The following LRP2 variants were observed in gnomAD, a reference collection of about 807,000 sequenced individuals.
The protein encoded by LRP2 is low-density lipoprotein receptor-related protein 2.
Under a neutral mutation model 531.0 loss-of-function variants are expected in LRP2, and 172 were observed. That is an observed-to-expected ratio of 0.32 (90% CI 0.29 to 0.37). LRP2 has a LOEUF of 0.37. LRP2 is among the 10% of genes least tolerant of loss of function. The pLI is 1.00. For synonymous variants in LRP2, 1,992 were observed against 2,027.6 expected (o/e 0.98, Z 0.47); for missense variants, 5,167 against 5,868.3 (o/e 0.88, Z 3.90).
chr2:169,243,829 G>C (rs1014723750), intron 22 of LRP2, among the ~76,000 whole-genome samples: 2 of 142,864 alleles, frequency 1.4e-5, no homozygotes, highest in Non-Finnish European at 1.5e-5. Context: ...TGAATACTAT[G>C]AAGTCCATGA....
chr2:169,153,093 AT>A, intron 66 of LRP2, 129 bp from the exon 67 acceptor site: 1 of 850,064 alleles, frequency 1.2e-6, no homozygotes, highest in Non-Finnish European at 2.0e-6. Flanking sequence ...TTGTTATAAT[AT>A]GAATAATTCA....
intron 3 of LRP2, among the ~76,000 whole-genome samples, chr2:169,316,675 G>A (rs150916213): frequency 6.6e-6 from 1 of 152,062 alleles, no homozygotes; most frequent in Non-Finnish European, 1.5e-5. Context: ...TCAAGTGTGG[G>A]CAAAAATCTG....
chr2:169,175,274 C>T lies in LRP2; in HGVS notation c.10687G>A (p.Gly3563Ser), dbSNP rs745375377. 11 of 1,614,136 alleles carry T rather than the reference C, an allele frequency of 6.8e-6. No individual in the cohort carries two copies. Among genetic ancestry groups the T allele is most frequent in the Admixed American group, 3.3e-5 (2 of 60,022 alleles). ...AAAGTCTGCGGGCTGGTGCAGTTGC[C>T]GTCACTGCACTGGAACTGTCCCAGT... Reference protein sequence around the residue: ...CRLGQFQCSDGNCTSPQTLCN... With the variant: ...CRLGQFQCSDSNCTSPQTLCN... The change falls in exon 55 of 79, where the codon GGC becomes AGC. Residue 3563 changes from glycine (G) to serine (S), a missense_variant. This residue lies in a region of LRP2 where 311 missense variants were observed against 309.4 expected (regional missense o/e 1.01). Transcript: ENST00000649046.
In LRP2 at chr2:169,236,011, G is replaced by A. The variant is rs1689591472; in HGVS notation, c.4749C>T (p.Ser1583=). The part of the protein sequence containing the change: ...WGHHPRIERA[S]MDGSMRTVIV... Reference sequence around the variant, plus strand: ...TGACAGTGCGCATGCTGCCGTCCATGCTGGCTCGCTCGATGCGAGGGTGGT... The same window carrying A: ...TGACAGTGCGCATGCTGCCGTCCATACTGGCTCGCTCGATGCGAGGGTGGT... Residue 1583 remains serine, a synonymous_variant, in exon 29 of 79, where the codon AGC becomes AGT. Transcript: ENST00000649046. The A allele has an allele frequency of 3.7e-6, 6 of 1,614,206 alleles. No individual in the cohort carries two copies. The highest frequency in any genetic ancestry group is 5.1e-6 in the Non-Finnish European group (6 of 1,180,044).
In LRP2 at chr2:169,247,382, C is replaced by T. The variant is rs760249857; in HGVS notation, c.2904G>A (p.Gln968=). The part of the protein sequence containing the change: ...LHLKSYDVNI[Q]TGSNACNQPT... Reference sequence around the variant, plus strand: ...AAACTGGGCAATCTCACTCACCAGTCTGGATGTTGACATCATACGATTTCA... The same window carrying T: ...AAACTGGGCAATCTCACTCACCAGTTTGGATGTTGACATCATACGATTTCA... Residue 968 remains glutamine (Q), a synonymous_variant, in exon 20 of 79, where the codon CAG becomes CAA. Coordinates refer to ENST00000649046, the MANE Select transcript of LRP2 (RefSeq NM_004525.3). 6.2e-7 allele frequency: 1 copy of T among 1,614,132 alleles called. No homozygotes were observed. The highest frequency in any genetic ancestry group is 1.7e-5 in the Admixed American group (1 of 60,022).
chr2:169,275,344 T>C, intron 13 of LRP2, 106 bp from the exon 14 acceptor site: 1 of 836,874 alleles, frequency 1.2e-6, no homozygotes, highest in Non-Finnish European at 2.0e-6. Context: ...AATAATTTCT[T>C]GTCACAAATA....
At chr2:169,326,896 T>A in intron 1 of LRP2, among the ~76,000 whole-genome samples, 1 of 149,550 alleles carries the variant, frequency 6.7e-6, no homozygotes, top group Non-Finnish European at 1.5e-5. Flanking sequence ...GGAGTGCCTC[T>A]GCCCGGCGGC....
At chr2:169,137,522 A>G (rs774576685) in intron 75 of LRP2, 29 bp from the exon 76 acceptor site, 21 of 1,326,336 alleles carry the variant, frequency 1.6e-5, no homozygotes, top group African/African-American at 4.4e-5. Flanking sequence ...AGAGAGAGAG[A>G]GAGAGAGAGA....
At chr2:169,154,331 T>A (rs567191470) in intron 66 of LRP2, 129 bp downstream of exon 66, 1 of 814,916 alleles carries the variant, frequency 1.2e-6, no homozygotes, top group Admixed American at 2.0e-5. Context: ...CATGCTGGAT[T>A]GGAAGAGTTT....
At chr2:169,210,398 G>A (rs2105338435) in intron 37 of LRP2, among the ~76,000 whole-genome samples, 1 of 152,340 alleles carries the variant, frequency 6.6e-6, no homozygotes, top group South Asian at 2.1e-4. Context: ...AGCAGGGCAA[G>A]CTGACATTAT....
intron 66 of LRP2, among the ~76,000 whole-genome samples, chr2:169,153,662 G>GA (rs1361317145): frequency 2.0e-5 from 3 of 151,964 alleles, no homozygotes; most frequent in African/African-American, 4.8e-5. Flanking sequence ...TGATTTTGTA[G>GA]AAAAAAAATT....
chr2:169,216,242 G>T lies in LRP2; in HGVS notation c.5826+11C>A. On this transcript the variant is annotated intron_variant, in intron 35 of 78. Coordinates refer to ENST00000649046, the MANE Select transcript of LRP2 (RefSeq NM_004525.3). ...AGCATAAAGACCAAAAGACTGAAAG[G>T]GTGCTCATACCACTCCTCTTCCAGT... 1 of 1,612,846 alleles carries T rather than the reference G, an allele frequency of 6.2e-7. No individual in the cohort carries two copies. Among genetic ancestry groups the T allele is most frequent in the South Asian group, 1.1e-5 (1 of 91,050 alleles).
chr2:169,239,753 G>A lies in LRP2; in HGVS notation c.4068C>T (p.Phe1356=). The part of the protein sequence containing the change: ...PLCNGNSCSD[F]NGGCTHECVQ... ...CACACTCGTGAGTACAACCACCATT[G>A]AAATCTGAGCAGCTGTTCCCATCTA... The change falls in exon 26 of 79, where the codon TTC becomes TTT. Residue 1356 remains phenylalanine, a synonymous_variant. Coordinates refer to ENST00000649046, the MANE Select transcript of LRP2 (RefSeq NM_004525.3). 1 of 1,613,912 alleles carries A rather than the reference G, an allele frequency of 6.2e-7. No homozygotes were observed. Among genetic ancestry groups the A allele is most frequent in the Non-Finnish European group, 8.5e-7 (1 of 1,179,840 alleles).
intron 10 of LRP2, among the ~76,000 whole-genome samples, chr2:169,281,160 A>AC (rs1263775206): frequency 5.9e-5 from 9 of 152,178 alleles, no homozygotes; most frequent in African/African-American, 2.2e-4. Flanking sequence ...AGTGGCTCAC[A>AC]CCTGTAATCC....
At chr2:169,242,897 A>G (rs1184222551) in intron 24 of LRP2, 59 bp downstream of exon 24, 14 of 1,264,070 alleles carry the variant, frequency 1.1e-5, no homozygotes, top group Non-Finnish European at 1.4e-5. Context: ...ATCAATATCA[A>G]TACTGGCAAA....
At position 169,139,329 on chromosome 2, in the gene LRP2, A is replaced by G. The variant is rs1386256737; in HGVS notation, c.13310T>C (p.Ile4437Thr). Residue 4437 changes from isoleucine to threonine, a missense_variant, in exon 74 of 79, where the codon ATT (isoleucine) becomes ACT (threonine). Ile to Thr is a moderately conservative substitution (Grantham distance 89, BLOSUM62 -1). Coordinates refer to ENST00000649046, the MANE Select transcript of LRP2 (RefSeq NM_004525.3). The stretch of plus-strand genomic sequence containing the variant: ...GAATCCTGCAATTGCCAGAGCTCCA[A>G]TTACGACGATCAAGAGGATTGTCAA... ...VLLTILLIVV[I>T]GALAIAGFFH... 6 of 1,614,182 alleles carry G rather than the reference A, an allele frequency of 3.7e-6. No individual in the cohort carries two copies. Among genetic ancestry groups the G allele is most frequent in the African/African-American group, 2.7e-5 (2 of 75,054 alleles).
Position 169,212,088 on chromosome 2 carries a change from C to T in LRP2, c.6160G>A (p.Asp2054Asn), listed in dbSNP as rs138269726. 1,551 of 1,614,058 alleles carry T rather than the reference C, an allele frequency of 9.6e-4. 1 individual carries two copies. The highest frequency in any genetic ancestry group is 2.3e-3 in the Middle Eastern group (14 of 6,060). ...TTATATGGAGAGCAGGACCGATTAT[C>T]AGGATTGAGTTTAAATCCAGTGGCA... is the stretch of plus-strand genomic sequence containing the variant. ...ACATGFKLNP[D>N]NRSCSPYNSF... Residue 2054 changes from aspartate (D) to asparagine (N), a missense_variant, in exon 37 of 79, where the codon GAT becomes AAT. By Grantham distance (23) the Asp-to-Asn change is conservative (BLOSUM62 1). Transcript: ENST00000649046.
rs147904015 is a variant in LRP2 at position 169,192,148 on chromosome 2, C to T, written c.8831-115G>A. 449 of 668,452 alleles carry T rather than the reference C, an allele frequency of 6.7e-4. 1 individual carries two copies. The highest frequency in any genetic ancestry group is 8.7e-4 in the Non-Finnish European group (348 of 400,646). 41.4% of individuals were successfully genotyped at this position (668,452 alleles called of 1,614,324 possible). A position where few individuals can be genotyped will look rare whatever the true frequency, so the allele number is the denominator to read the frequency against. ...TATGAAAGGAAATGGGAGGAAAACACGTAGACAAATTACACTGCTATTATA... is the reference window on the plus strand; with the variant it reads ...TATGAAAGGAAATGGGAGGAAAACATGTAGACAAATTACACTGCTATTATA... On this transcript the variant is annotated intron_variant, in intron 47 of 78. Coordinates refer to ENST00000649046, the MANE Select transcript of LRP2 (RefSeq NM_004525.3).
intron 1 of LRP2, among the ~76,000 whole-genome samples, chr2:169,335,300 G>A (rs1685373954): frequency 6.6e-6 from 1 of 152,166 alleles, no homozygotes; most frequent in Non-Finnish European, 1.5e-5. Context: ...TACTGTAGGT[G>A]TATAATTCCA....
Sources: allele counts gnomAD v4.1 joint callset (sites outside exome capture counted in the v4.1 genomes callset), GRCh38; gene constraint gnomAD v4.1.1; regional missense constraint gnomAD v4.1.1; transcripts MANE v1.5; gene names NCBI Gene and HGNC (gene_info 2026-07-23, HGNC 2026-07-21).